The following ZSWIM8 variants were observed in gnomAD, a reference collection of about 807,000 sequenced individuals.
ZSWIM8 encodes the protein zinc finger SWIM-type containing 8, also known as zinc finger SWIM domain-containing protein 8.
In ZSWIM8, 27 loss-of-function variants were observed where a neutral mutation model predicts 173.7. The observed-to-expected ratio is 0.16, with a 90% CI of 0.11 to 0.21. The LOEUF is 0.21. Ranked by LOEUF, ZSWIM8 falls within the 10% of genes least tolerant of loss-of-function variation. The probability of loss-of-function intolerance (pLI) is 1.00; values close to 1 mark genes in which losing one functional copy is unlikely to be tolerated. For synonymous variants in ZSWIM8, 958 were observed against 962.0 expected (o/e 1.00, Z 0.08); for missense variants, 1,627 against 2,428.8 (o/e 0.67, Z 6.94).
Position 73,793,609 on chromosome 10 carries a change from GC to G in ZSWIM8, c.2338del (p.Leu780CysfsTer22). 1 of 1,605,158 alleles carries G rather than the reference GC, an allele frequency of 6.2e-7. No homozygotes were observed. The highest frequency in any genetic ancestry group is 8.5e-7 in the Non-Finnish European group (1 of 1,175,518). On this transcript the variant is annotated frameshift_variant, in exon 11 of 26. Transcript: ENST00000604729. LOFTEE classifies it high-confidence loss of function. ...RMEVLFACAE[A>X]LHAHGYSSEA... ...CCAGGTACTGTTTGCCTGTGCTGAGGCCCTGCATGCGCATGGCTATAGCAGT... is the reference window on the plus strand; with the variant it reads ...CCAGGTACTGTTTGCCTGTGCTGAGGCCTGCATGCGCATGGCTATAGCAGT...
Position 73,797,249 on chromosome 10 carries a change from A to G in ZSWIM8, c.3411A>G (p.Gly1137=), listed in dbSNP as rs1230911130. Residue 1137 remains glycine, a synonymous_variant, in exon 17 of 26, where the codon GGA becomes GGG. Coordinates refer to ENST00000604729, the MANE Select transcript of ZSWIM8 (RefSeq NM_001367799.1). This position sits in a 1 kb window ranked among gnomAD's most constrained non-coding sequence, Gnocchi z 5.6. The stretch of plus-strand genomic sequence containing the variant: ...ATGGACGGGGATGGGGGTCCCCAGG[A>G]CGGCCTAAGAAGAAGCACACAGGTA... The part of the protein sequence containing the change: ...GYNGRGWGSP[G]RPKKKHTGMA... 35 of 1,613,932 alleles carry G rather than the reference A, an allele frequency of 2.2e-5. No homozygotes were observed. The highest frequency in any genetic ancestry group is 2.7e-5 in the Non-Finnish European group (32 of 1,179,850).
Position 73,791,700 on chromosome 10 carries a change from T to G in ZSWIM8, c.1320-159T>G, listed in dbSNP as rs1446024572. Among the ~76,000 whole-genome samples the G allele has an allele frequency of 2.0e-5, 3 of 152,192 alleles. No individual in the cohort carries two copies. Among genetic ancestry groups the G allele is most frequent in the Non-Finnish European group, 4.4e-5 (3 of 68,030 alleles). On this transcript the variant is annotated intron_variant, in intron 9 of 25. Coordinates refer to ENST00000604729, the MANE Select transcript of ZSWIM8 (RefSeq NM_001367799.1). The surrounding 1 kb of genome is among the most constrained non-coding windows in gnomAD (Gnocchi z 6.0). ...CTTCCTTCCCCTAAATAACACCCACTTTTCAAAATTCTCCAGTGTTTCAGT... is the reference window on the plus strand; with the variant it reads ...CTTCCTTCCCCTAAATAACACCCACGTTTCAAAATTCTCCAGTGTTTCAGT...
rs1243988993 is a variant in ZSWIM8 at position 73,791,458 on chromosome 10, G to A, written c.1278G>A (p.Leu426=). 1.3e-5 allele frequency: 21 copies of A among 1,612,636 alleles called. No homozygotes were observed. The Admixed American group carries it at 2.5e-4, about 19-fold the overall frequency. The part of the protein sequence containing the change: ...CASMCDEMVT[L]WRLAVLDPAL... ...GCATGTGTGACGAGATGGTCACACTGTGGAGGCTGGCCGTGCTGGACCCTG... is the reference window on the plus strand; with the variant it reads ...GCATGTGTGACGAGATGGTCACACTATGGAGGCTGGCCGTGCTGGACCCTG... The change falls in exon 9 of 26, where the codon CTG becomes CTA. Residue 426 remains leucine, a synonymous_variant. Transcript: ENST00000604729. The surrounding 1 kb of genome is among the most constrained non-coding windows in gnomAD (Gnocchi z 6.0).
chr10:73,794,392 G>T, intron 13 of ZSWIM8, 62 bp downstream of exon 13: 4 of 1,582,356 alleles, frequency 2.5e-6, no homozygotes, highest in Non-Finnish European at 2.6e-6. Flanking sequence ...CTCTAAGAAA[G>T]ACCAAGAGCC....
At position 73,797,455 on chromosome 10, in the gene ZSWIM8, G is replaced by A; in HGVS notation, c.3512G>A (p.Gly1171Glu). ...ACCTTAAGCCGGAGACCACTTCGAG[G>A]GGGCTGGGCCCCCACCTCCTGGGGT... ...SPTLSRRPLR[G>E]GWAPTSWGRG... Residue 1171 changes from glycine to glutamate, a missense_variant, in exon 18 of 26, where the codon GGG (glycine) becomes GAG (glutamate). This residue lies in a region of ZSWIM8 where 72 missense variants were observed against 98.4 expected (regional missense o/e 0.73). Transcript: ENST00000604729. The surrounding 1 kb of genome is among the most constrained non-coding windows in gnomAD (Gnocchi z 5.6). The A allele has an allele frequency of 6.2e-7, 1 of 1,613,946 alleles. No homozygotes were observed. Among genetic ancestry groups the A allele is most frequent in the Non-Finnish European group, 8.5e-7 (1 of 1,179,868 alleles).
rs755561083 is a variant in ZSWIM8 at position 73,792,072 on chromosome 10, C to T, written c.1533C>T (p.Ala511=). 8 of 1,535,130 alleles carry T rather than the reference C, an allele frequency of 5.2e-6. No individual in the cohort carries two copies. The Admixed American group carries it at 1.2e-4, about 23-fold the overall frequency. Residue 511 remains alanine (A), a synonymous_variant, in exon 10 of 26, where the codon GCC becomes GCT. Transcript: ENST00000604729. This position sits in a 1 kb window ranked among gnomAD's most constrained non-coding sequence, Gnocchi z 4.3. ...DRKLALCWAR[A]LPSRPGASRS... ...AGCTGGCACTGTGCTGGGCCCGGGC[C>T]CTGCCCTCTCGGCCAGGTGCCTCCC...
chr10:73,797,373 T>A lies in ZSWIM8; in HGVS notation c.3434-4T>A, dbSNP rs374805589. On this transcript the variant is annotated splice_region_variant and splice_polypyrimidine_tract_variant and intron_variant, in intron 17 of 25. Coordinates refer to ENST00000604729, the MANE Select transcript of ZSWIM8 (RefSeq NM_001367799.1). The surrounding 1 kb of genome is among the most constrained non-coding windows in gnomAD (Gnocchi z 5.6). ...TTCTGAGACTGACTTCTCTTGGGGG[T>A]TAGGCATGGCCAGCATTGACAGCAG... The A allele has an allele frequency of 4.3e-6, 7 of 1,613,542 alleles. No homozygotes were observed. Among genetic ancestry groups the A allele is most frequent in the African/African-American group, 1.3e-5 (1 of 74,876 alleles).
Position 73,800,208 on chromosome 10 carries a change from AG to A in ZSWIM8, c.4825+40del. The A allele has an allele frequency of 6.2e-7, 1 of 1,612,742 alleles. No individual in the cohort carries two copies. Among genetic ancestry groups the A allele is most frequent in the Non-Finnish European group, 8.5e-7 (1 of 1,179,320 alleles). On this transcript the variant is annotated intron_variant, in intron 22 of 25. Transcript: ENST00000604729. This position sits in a 1 kb window ranked among gnomAD's most constrained non-coding sequence, Gnocchi z 4.1. ...GCCAGGGAACAGGTGAATGGAGGGG[AG>A]GCACACTGGGCAGGGGAGGTGGGGA...
In ZSWIM8 at chr10:73,800,484, T is replaced by C; in HGVS notation, c.5002+12T>C. The C allele has an allele frequency of 6.2e-7, 1 of 1,613,088 alleles. No individual in the cohort carries two copies. The highest frequency in any genetic ancestry group is 8.5e-7 in the Non-Finnish European group (1 of 1,179,426). ...TGCCTACCGTGTCGGTGAGAGGACA[T>C]CCCTTTCTGTGCTCCTACCTGCAGT... On this transcript the variant is annotated intron_variant, in intron 23 of 25. Transcript: ENST00000604729. This position sits in a 1 kb window ranked among gnomAD's most constrained non-coding sequence, Gnocchi z 4.1.
At position 73,792,985 on chromosome 10, in the gene ZSWIM8, C is replaced by T; in HGVS notation, c.2313+133C>T. The stretch of plus-strand genomic sequence containing the variant: ...CTGTTGCAGGCGCCGAACTGGTCTC[C>T]CTGCTTTCAGTCTACTCACTTTTCT... On this transcript the variant is annotated intron_variant, in intron 10 of 25. Transcript: ENST00000604729. This position sits in a 1 kb window ranked among gnomAD's most constrained non-coding sequence, Gnocchi z 4.3. 9.0e-7 allele frequency: 1 copy of T among 1,107,584 alleles called. No individual in the cohort carries two copies. The highest frequency in any genetic ancestry group is 1.7e-5 in the South Asian group (1 of 59,286). The allele number at this position is 1,107,584 out of a possible 1,614,324, so 68.6% of individuals were successfully genotyped here.
At chr10:73,795,805 A>G (rs1275651427) in intron 15 of ZSWIM8, 142 bp downstream of exon 15, 2 of 933,138 alleles carry the variant, frequency 2.1e-6, no homozygotes, top group Non-Finnish European at 3.1e-6. Context: ...CAAAAAATAC[A>G]AAAAATTAGC....
intron 15 of ZSWIM8, 47 bp downstream of exon 15, chr10:73,795,710 C>T: frequency 1.3e-6 from 2 of 1,585,636 alleles, no homozygotes; most frequent in Non-Finnish European, 8.6e-7. Flanking sequence ...GTAATCCCAG[C>T]AGTTTGGGAG....
Position 73,798,467 on chromosome 10 carries a change from C to T in ZSWIM8, c.4176+14C>T. ...TGCAAGGAACAGGTATTTCTACGGG[C>T]AATCTGGGAACCTCTTCTGGGGCAT... On this transcript the variant is annotated intron_variant, in intron 20 of 25. Transcript: ENST00000604729. 1 of 1,607,044 alleles carries T rather than the reference C, an allele frequency of 6.2e-7. No individual in the cohort carries two copies. The highest frequency in any genetic ancestry group is 8.5e-7 in the Non-Finnish European group (1 of 1,174,824).
At chr10:73,787,874 A>G (rs2083280831) in intron 1 of ZSWIM8, among the ~76,000 whole-genome samples, 1 of 152,106 alleles carries the variant, frequency 6.6e-6, no homozygotes, top group Non-Finnish European at 1.5e-5. Context: ...ATAAAAATCA[A>G]AAAAATAAAA....
In ZSWIM8 at chr10:73,791,283, C is replaced by T. The variant is rs758208497; in HGVS notation, c.1144-41C>T. ...TCTGGGAGGGCTACTCTGCCTTTCT[C>T]TGAGCTCTCAGGTGCAGCTCACAGC... On this transcript the variant is annotated intron_variant, in intron 8 of 25. Coordinates refer to ENST00000604729, the MANE Select transcript of ZSWIM8 (RefSeq NM_001367799.1). This position sits in a 1 kb window ranked among gnomAD's most constrained non-coding sequence, Gnocchi z 6.0. The T allele has an allele frequency of 7.0e-6, 11 of 1,582,454 alleles. No homozygotes were observed. In the Admixed American group the frequency reaches 1.5e-4, roughly 22 times the overall value.
chr10:73,789,351 C>T lies in ZSWIM8; in HGVS notation c.458-16C>T. 6.4e-7 allele frequency: 1 copy of T among 1,551,332 alleles called. No individual in the cohort carries two copies. The highest frequency in any genetic ancestry group is 8.7e-7 in the Non-Finnish European group (1 of 1,146,626). On this transcript the variant is annotated splice_polypyrimidine_tract_variant and intron_variant, in intron 3 of 25. Coordinates refer to ENST00000604729, the MANE Select transcript of ZSWIM8 (RefSeq NM_001367799.1). This position sits in a 1 kb window ranked among gnomAD's most constrained non-coding sequence, Gnocchi z 6.8. ...TCCTGACAGCACTCCCTGACCATGCCCCCATTTCTCCCCAGGGTTCCACCT... is the reference window on the plus strand; with the variant it reads ...TCCTGACAGCACTCCCTGACCATGCTCCCATTTCTCCCCAGGGTTCCACCT...
rs2083759407 is a variant in ZSWIM8, at chr10:73,798,219, T to G, written c.3953-11T>G. On this transcript the variant is annotated splice_polypyrimidine_tract_variant and intron_variant, in intron 19 of 25. Coordinates refer to ENST00000604729, the MANE Select transcript of ZSWIM8 (RefSeq NM_001367799.1). ...CTAACCCAACTCTGCCCTTCTCTCC[T>G]TTCCCCTAAGGCCAGGCCATGGAGA... The G allele has an allele frequency of 6.2e-7, 1 of 1,613,242 alleles. No homozygotes were observed. Among genetic ancestry groups the G allele is most frequent in the Admixed American group, 1.7e-5 (1 of 59,984 alleles).
rs1352549571 is a variant in ZSWIM8 at position 73,785,681 on chromosome 10, G to C, written c.-198G>C. The C allele has an allele frequency of 1.7e-5, 11 of 659,422 alleles. No individual in the cohort carries two copies. The highest frequency in any genetic ancestry group is 3.1e-5 in the Non-Finnish European group (11 of 359,936). 40.8% of individuals were successfully genotyped at this position (659,422 alleles called of 1,614,324 possible). ...CGGAGACTGGCCAAGATCACCGCTT[G>C]CACCGCGCTGTTGGGCGAGGCCCGG... On this transcript the variant is annotated 5_prime_UTR_variant, in exon 1 of 26. Transcript: ENST00000604729.
Position 73,789,492 on chromosome 10 carries a change from A to C in ZSWIM8, c.583A>C (p.Lys195Gln). The stretch of plus-strand genomic sequence containing the variant: ...CAGCTGTACCTGTGGGGCTGGGGCC[A>C]AATGGTGCACCCACGTCGTGGCACT... ...SCSCTCGAGA[K>Q]WCTHVVALCL... Residue 195 changes from lysine (K) to glutamine (Q), a missense_variant, in exon 4 of 26, where the codon AAA becomes CAA. By Grantham distance (53) the Lys-to-Gln change is moderately conservative. Coordinates refer to ENST00000604729, the MANE Select transcript of ZSWIM8 (RefSeq NM_001367799.1). The surrounding 1 kb of genome is among the most constrained non-coding windows in gnomAD (Gnocchi z 6.8). The C allele has an allele frequency of 6.2e-7, 1 of 1,613,290 alleles. No individual in the cohort carries two copies.
Sources: gnomAD v4.1 joint callset for allele counts (sites outside exome capture counted in the v4.1 genomes callset) on GRCh38, gnomAD v4.1.1 for gene constraint, gnomAD v4.1.1 regional missense constraint, Gnocchi (gnomAD v3.1) non-coding constraint, MANE v1.5 for transcripts, NCBI Gene and HGNC (gene_info 2026-07-23, HGNC 2026-07-21) for gene names.